SLC14A2: variants seen among roughly 807,000 people sequenced by gnomAD.
SLC14A2 encodes the protein urea transporter 2.
In SLC14A2, 91 loss-of-function variants were observed where a neutral mutation model predicts 104.6. The observed-to-expected ratio is 0.87, with a 90% CI of 0.73 to 1.04. The LOEUF (loss-of-function observed/expected upper bound fraction) is 1.04. Ranked by LOEUF, SLC14A2 falls within the 50% of genes least tolerant of loss-of-function variation. SLC14A2 has a pLI of 0.00. For missense variants in SLC14A2, 1,189 were observed against 1,156.0 expected, an observed-to-expected ratio of 1.03 and a Z score of -0.41; for synonymous variants, 476 against 466.4, an observed-to-expected ratio of 1.02 and a Z score of -0.27.
chr18:45,324,174 C>T (rs1214984281), intron 1 of SLC14A2, among the ~76,000 whole-genome samples: 2 of 152,096 alleles, frequency 1.3e-5, no homozygotes, highest in Non-Finnish European at 2.9e-5. Context: ...TAAGTATCTA[C>T]TGAGTCAAAG....
At chr18:45,592,222 A>AT (rs57033345) in intron 2 of SLC14A2, among the ~76,000 whole-genome samples, 1 of 151,806 alleles carries the variant, frequency 6.6e-6, no homozygotes, top group African/African-American at 2.4e-5. Flanking sequence ...TTTCTGTTTC[A>AT]TTTTTTTTAA....
intron 1 of SLC14A2, among the ~76,000 whole-genome samples, chr18:45,338,699 A>T: frequency 6.7e-6 from 1 of 149,572 alleles, no homozygotes; most frequent in East Asian, 1.9e-4. Flanking sequence ...AAAAAAAAAA[A>T]AAAAAAAAAA....
chr18:45,286,850 T>C (rs1284438340), intron 1 of SLC14A2, among the ~76,000 whole-genome samples: 1 of 152,230 alleles, frequency 6.6e-6, no homozygotes, highest in Non-Finnish European at 1.5e-5. Flanking sequence ...TGCATTATTC[T>C]AAGACTTTGG....
chr18:45,625,247 G>A (rs1370932675), intron 2 of SLC14A2, among the ~76,000 whole-genome samples: 1 of 152,168 alleles, frequency 6.6e-6, no homozygotes, highest in Non-Finnish European at 1.5e-5. Context: ...TTGCGATGAG[G>A]AGGTCCCATA....
intron 5 of SLC14A2, among the ~76,000 whole-genome samples, chr18:45,635,341 A>C: frequency 6.6e-6 from 1 of 152,242 alleles, no homozygotes; most frequent in East Asian, 1.9e-4. Context: ...TTCAAGACAG[A>C]GTCCCATAGG....
intron 1 of SLC14A2, among the ~76,000 whole-genome samples, chr18:45,313,728 G>A (rs139123438): frequency 5.3e-5 from 8 of 152,230 alleles, no homozygotes; most frequent in African/African-American, 1.7e-4. Context: ...ACAGTGCCTG[G>A]CATAACTAAG....
At chr18:45,561,488 A>C (rs1262145727) in intron 2 of SLC14A2, among the ~76,000 whole-genome samples, 2 of 152,188 alleles carry the variant, frequency 1.3e-5, no homozygotes, top group African/African-American at 2.4e-5. Flanking sequence ...AGGCTGGGAA[A>C]GGGTGTCCAG....
intron 6 of SLC14A2, among the ~76,000 whole-genome samples, 163 bp from the exon 7 acceptor site, chr18:45,639,583 T>C (rs907864652): frequency 2.6e-5 from 4 of 152,150 alleles, no homozygotes; most frequent in Non-Finnish European, 4.4e-5. Context: ...AGGAGCTGTT[T>C]GTTCCAGCTC....
intron 2 of SLC14A2, chr18:45,528,060 A>G (rs889347084): frequency 6.0e-5 from 9 of 149,780 alleles, no homozygotes; most frequent in African/African-American, 2.2e-4. Flanking sequence ...TGTGGGAATT[A>G]TTTCCTCCTC....
chr18:45,641,119 G>C, intron 7 of SLC14A2, 90 bp from the exon 8 acceptor site: 1 of 1,402,526 alleles, frequency 7.1e-7, no homozygotes, highest in East Asian at 2.3e-5. Flanking sequence ...ACAACAGCAT[G>C]GAGGCCACTC....
At chr18:45,471,772 T>C (rs190189248) in intron 1 of SLC14A2, among the ~76,000 whole-genome samples, 15 of 152,262 alleles carry the variant, frequency 9.9e-5, no homozygotes, top group Non-Finnish European at 1.5e-5. Flanking sequence ...TGCTAGCTCA[T>C]TTTTTGCTCT....
chr18:45,339,728 G>A (rs2085374685), intron 1 of SLC14A2, among the ~76,000 whole-genome samples: 1 of 152,212 alleles, frequency 6.6e-6, no homozygotes, highest in South Asian at 2.1e-4. Context: ...GGTTGTGTGG[G>A]CAGGTTTTTG....
At chr18:45,346,493 T>C (rs541532104) in intron 1 of SLC14A2, among the ~76,000 whole-genome samples, 11 of 152,320 alleles carry the variant, frequency 7.2e-5, no homozygotes, top group African/African-American at 2.6e-4. Flanking sequence ...TTTACTAGTT[T>C]AGAAAACAAA....
chr18:45,529,635 T>C lies in SLC14A2; in HGVS notation c.-35+46313T>C, dbSNP rs540545176. ...CCTTTCGATCTTTAGTCCTGTTACA[T>C]TGAGGCCCAAGACTTAGGGTTGAAT... On this transcript the variant is annotated intron_variant, in intron 2 of 20. Transcript: ENST00000586448. 6 of 152,278 alleles carry C rather than the reference T, an allele frequency of 3.9e-5. No individual in the cohort carries two copies. The East Asian group carries it at 1.2e-3, about 29-fold the overall frequency. The allele number at this position is 152,278 out of a possible 1,614,324, so 9.4% of individuals were successfully genotyped here. A position where few individuals can be genotyped will look rare whatever the true frequency, so the allele number is the denominator to read the frequency against.
At chr18:45,637,314 G>T in intron 6 of SLC14A2, 132 bp downstream of exon 6, 1 of 670,638 alleles carries the variant, frequency 1.5e-6, no homozygotes, top group Admixed American at 3.0e-5. Flanking sequence ...CCTCAGCAGG[G>T]TATCAGAAAG....
At chr18:45,677,617 T>C in intron 18 of SLC14A2, among the ~76,000 whole-genome samples, 1 of 152,218 alleles carries the variant, frequency 6.6e-6, no homozygotes, top group Non-Finnish European at 1.5e-5. Context: ...ACATAGGGAA[T>C]GTCCAGTAAG....
At chr18:45,612,593 C>A (rs1384353664), upstream of SLC14A2, among the ~76,000 whole-genome samples, 1 of 152,220 alleles carries the variant, frequency 6.6e-6, no homozygotes, top group Admixed American at 6.5e-5. Flanking sequence ...ATGAGGTAGG[C>A]ACTATTATTG....
intron 1 of SLC14A2, among the ~76,000 whole-genome samples, chr18:45,350,351 A>G (rs2085490601): frequency 6.6e-6 from 1 of 152,230 alleles, no homozygotes; most frequent in Non-Finnish European, 1.5e-5. Flanking sequence ...CCCATGGCTC[A>G]GATACAGTTG....
At chr18:45,463,096 C>T (rs981794449) in intron 1 of SLC14A2, among the ~76,000 whole-genome samples, 9 of 152,308 alleles carry the variant, frequency 5.9e-5, no homozygotes, top group Admixed American at 2.6e-4. Flanking sequence ...CAACCCCTGA[C>T]GCAATAACCA....
Sources: gnomAD v4.1 joint callset for allele counts (sites outside exome capture counted in the v4.1 genomes callset) on GRCh38, gnomAD v4.1.1 for gene constraint, MANE v1.5 for transcripts, NCBI Gene and HGNC (gene_info 2026-07-23, HGNC 2026-07-21) for gene names.